MOCOS: variants seen among roughly 807,000 people sequenced by gnomAD.
The protein encoded by MOCOS is molybdenum cofactor sulfurase.
MOCOS carries 86 observed loss-of-function variants against 83.6 expected under a neutral mutation model. The observed-to-expected ratio is 1.03, with a 90% CI of 0.86 to 1.23. MOCOS has a LOEUF of 1.23. Ranked by LOEUF, MOCOS falls within the 50% of genes most tolerant of loss-of-function variation. MOCOS has a pLI of 0.00. For synonymous variants in MOCOS, 445 were observed against 434.7 expected, an observed-to-expected ratio of 1.02 and a Z score of -0.29; for missense variants, 1,120 against 1,126.9, an observed-to-expected ratio of 0.99 and a Z score of 0.09.
rs1379053636 is a variant in MOCOS, at chr18:36,271,183, A to G, written c.*2498A>G. ...TCCTTTACAGCACTATTATTTGGTT[A>G]TCTACTTATAATTACTGATTTAACA... On this transcript the variant is annotated 3_prime_UTR_variant, in exon 15 of 15. Transcript: ENST00000261326. The G allele has an allele frequency of 6.6e-6, 1 of 152,034 alleles. No individual in the cohort carries two copies. The highest frequency in any genetic ancestry group is 2.4e-5 in the African/African-American group (1 of 41,396). The allele number at this position is 152,034 out of a possible 1,614,324, so 9.4% of individuals were successfully genotyped here.
At chr18:36,204,357 C>T (rs1280138481) in intron 5 of MOCOS, among the ~76,000 whole-genome samples, 4 of 152,078 alleles carry the variant, frequency 2.6e-5, no homozygotes, top group Non-Finnish European at 4.4e-5. Flanking sequence ...TCACTTAGCA[C>T]GTTTCCAAGA....
intron 4 of MOCOS, among the ~76,000 whole-genome samples, chr18:36,202,210 T>C (rs556560665): frequency 1.3e-5 from 2 of 152,248 alleles, no homozygotes; most frequent in Admixed American, 6.5e-5. Context: ...TTCTCAACTT[T>C]ATTTTATAAC....
intron 11 of MOCOS, among the ~76,000 whole-genome samples, chr18:36,254,329 ATT>A (rs1280083820): frequency 6.6e-6 from 1 of 152,164 alleles, no homozygotes; most frequent in Non-Finnish European, 1.5e-5. Flanking sequence ...TATTGTAAAC[ATT>A]GTCATTTTAA....
rs755194097 is a variant in MOCOS at position 36,256,953 on chromosome 18, C to T, written c.2165-15C>T. The T allele has an allele frequency of 4.4e-6, 7 of 1,595,922 alleles. No individual in the cohort carries two copies. In the South Asian group the frequency reaches 4.4e-5, roughly 10 times the overall value. ...GAGAAAGCAACTCTTCTTTTAAATG[C>T]TCCATCATTTTCAGATCAACTTCCT... On this transcript the variant is annotated splice_polypyrimidine_tract_variant and intron_variant, in intron 11 of 14. Transcript: ENST00000261326.
intron 1 of MOCOS, among the ~76,000 whole-genome samples, chr18:36,189,351 C>T (rs981901552): frequency 3.3e-5 from 5 of 152,160 alleles, no homozygotes; most frequent in South Asian, 2.1e-4. Flanking sequence ...CTCTACATTA[C>T]GGTTAAAGCA....
chr18:36,258,696 C>CA (rs1333909540), intron 12 of MOCOS, among the ~76,000 whole-genome samples: 2 of 152,082 alleles, frequency 1.3e-5, no homozygotes, highest in African/African-American at 4.8e-5. Context: ...GATTGAAGCA[C>CA]AAAAAAGTGC....
At chr18:36,215,037 G>A (rs1404427081) in intron 7 of MOCOS, among the ~76,000 whole-genome samples, 2 of 152,224 alleles carry the variant, frequency 1.3e-5, no homozygotes, top group African/African-American at 2.4e-5. Context: ...ATTTGCAGGG[G>A]CAGCATCTCT....
intron 9 of MOCOS, among the ~76,000 whole-genome samples, chr18:36,235,299 A>C (rs1240468507): frequency 8.8e-6 from 1 of 114,086 alleles, no homozygotes; most frequent in Non-Finnish European, 1.7e-5. Flanking sequence ...CACCCACAAC[A>C]GTCCCCAGAG....
intron 4 of MOCOS, 80 bp from the exon 5 acceptor site, chr18:36,203,033 A>G: frequency 7.3e-7 from 1 of 1,371,880 alleles, no homozygotes; most frequent in Non-Finnish European, 1.0e-6. Flanking sequence ...CCTAAAATCT[A>G]AAGCTCATTA....
intron 13 of MOCOS, among the ~76,000 whole-genome samples, chr18:36,263,777 T>A (rs1000653399): frequency 2.6e-5 from 4 of 152,244 alleles, no homozygotes; most frequent in Admixed American, 6.5e-5. Flanking sequence ...ACTTGTTTTT[T>A]AATGAATATA....
chr18:36,259,251 T>C (rs1310141497), intron 12 of MOCOS, among the ~76,000 whole-genome samples: 1 of 151,960 alleles, frequency 6.6e-6, no homozygotes, highest in Non-Finnish European at 1.5e-5. Context: ...AAACCCAGCC[T>C]GGGCAATATA....
intron 8 of MOCOS, among the ~76,000 whole-genome samples, chr18:36,216,341 G>C (rs563937846): frequency 3.3e-5 from 5 of 152,180 alleles, no homozygotes; most frequent in Non-Finnish European, 7.3e-5. Context: ...CTATTTTATA[G>C]ATATGGAGCC....
At chr18:36,254,396 A>G (rs116015234) in intron 11 of MOCOS, among the ~76,000 whole-genome samples, 2,515 of 151,816 alleles carry the variant, frequency 0.017, 62 homozygotes, top group African/African-American at 0.058. Context: ...TCAATACTGC[A>G]GCATTTTTTT....
At chr18:36,196,252 T>C (rs888992344) in intron 2 of MOCOS, among the ~76,000 whole-genome samples, 3 of 152,188 alleles carry the variant, frequency 2.0e-5, no homozygotes, top group Admixed American at 1.3e-4. Flanking sequence ...CAGTAGCAAT[T>C]GTAATATTTG....
chr18:36,216,420 C>A (rs973301716), intron 8 of MOCOS, among the ~76,000 whole-genome samples: 7 of 152,170 alleles, frequency 4.6e-5, no homozygotes, highest in Non-Finnish European at 1.0e-4. Context: ...CAAGAGCCAG[C>A]TTGAAGGAGC....
In MOCOS at chr18:36,215,801, G is replaced by T. The variant is rs672924; in HGVS notation, c.1621G>T (p.Val541Phe). 1.2e-6 allele frequency: 2 copies of T among 1,614,212 alleles called. No individual in the cohort carries two copies. The highest frequency in any genetic ancestry group is 2.2e-5 in the South Asian group (2 of 91,078). The change falls in exon 8 of 15, where the codon GTT becomes TTT. Residue 541 changes from valine (V) to phenylalanine (F), a missense_variant. Transcript: ENST00000261326. ...PQEDALTGSR[V>F]WNNSSTVNAV... is the part of the protein sequence containing the mutation. ...GGAAGATGCCCTCACAGGCTCCAGG[G>T]TTTGGAACAACTCGTCTACTGTGAA...
chr18:36,264,189 A>T (rs2091673678), intron 13 of MOCOS, among the ~76,000 whole-genome samples: 1 of 152,278 alleles, frequency 6.6e-6, no homozygotes, highest in Non-Finnish European at 1.5e-5. Context: ...CACAAAGAAA[A>T]AAAAAGGTAA....
chr18:36,194,022 TAAA>T (rs1261904832), intron 1 of MOCOS, among the ~76,000 whole-genome samples: 8 of 152,318 alleles, frequency 5.3e-5, no homozygotes, highest in African/African-American at 1.9e-4. Context: ...TATGCTAAAT[TAAA>T]GAAGTCAGAC....
intron 14 of MOCOS, among the ~76,000 whole-genome samples, chr18:36,267,199 G>C (rs2091684864): frequency 6.6e-6 from 1 of 152,186 alleles, no homozygotes; most frequent in Non-Finnish European, 1.5e-5. Flanking sequence ...GAATAGAGTA[G>C]CTGCATAGAA....
Sources: gnomAD v4.1 joint callset for allele counts (sites outside exome capture counted in the v4.1 genomes callset) on GRCh38, gnomAD v4.1.1 for gene constraint, MANE v1.5 for transcripts, NCBI Gene and HGNC (gene_info 2026-07-23, HGNC 2026-07-21) for gene names.